ERRFI1: variants seen among roughly 807,000 people sequenced by gnomAD.
ERRFI1 encodes mitogen-inducible gene 6 protein.
In ERRFI1, 12 loss-of-function variants were observed where a neutral mutation model predicts 14.6. The observed-to-expected ratio is 0.82, with a 90% CI of 0.53 to 1.33. The LOEUF (loss-of-function observed/expected upper bound fraction) is 1.33. Ranked by LOEUF, ERRFI1 falls within the 40% of genes most tolerant of loss-of-function variation. The pLI is 0.00. For synonymous variants in ERRFI1, 202 were observed against 209.9 expected (o/e 0.96, Z 0.32); for missense variants, 482 against 572.1 (o/e 0.84, Z 1.61).
rs1387541292 is a variant in ERRFI1 at position 8,014,208 on chromosome 1, T to G, written c.391A>C (p.Thr131Pro). ...AGGGAAGGGGAGTTTTTTATGGGTGTCAGTGGAGGGGTGGAAGCACAAACC... is the reference window on the plus strand; with the variant it reads ...AGGGAAGGGGAGTTTTTTATGGGTGGCAGTGGAGGGGTGGAAGCACAAACC... ...NGVCASTPPL[T>P]PIKNSPSLFP... The change falls in exon 4 of 4, where the codon ACA (threonine) becomes CCA (proline). Residue 131 changes from threonine to proline, a missense_variant. Thr to Pro is a conservative substitution (Grantham distance 38). Coordinates refer to ENST00000377482, the MANE Select transcript of ERRFI1 (RefSeq NM_018948.4). 6.2e-7 allele frequency: 1 copy of G among 1,614,088 alleles called. No homozygotes were observed. Among genetic ancestry groups the G allele is most frequent in the East Asian group, 2.2e-5 (1 of 44,864 alleles).
At chr1:8,018,168 C>T (rs1295932067) in intron 1 of ERRFI1, among the ~76,000 whole-genome samples, 2 of 151,652 alleles carry the variant, frequency 1.3e-5, no homozygotes, top group South Asian at 2.1e-4. Flanking sequence ...GCATGGGAGA[C>T]GAGGGGGGCA....
At chr1:8,021,566 G>C (rs559365211) in intron 1 of ERRFI1, among the ~76,000 whole-genome samples, 1 of 152,124 alleles carries the variant, frequency 6.6e-6, no homozygotes, top group Non-Finnish European at 1.5e-5. Context: ...ATGATGGGAC[G>C]CAAGTCTTTA....
intron 1 of ERRFI1, among the ~76,000 whole-genome samples, chr1:8,015,942 A>C (rs1290959325): frequency 6.6e-6 from 1 of 152,210 alleles, no homozygotes; most frequent in African/African-American, 2.4e-5. Flanking sequence ...ATCTATTGCC[A>C]GCAAAAGCAG....
intron 1 of ERRFI1, among the ~76,000 whole-genome samples, chr1:8,015,977 T>G (rs959429680): frequency 6.6e-6 from 1 of 152,002 alleles, no homozygotes; most frequent in Non-Finnish European, 1.5e-5. Context: ...AGCCTGAGAG[T>G]TGCACAACAA....
intron 1 of ERRFI1, 114 bp from the exon 2 acceptor site, chr1:8,015,806 A>G (rs1641165471): frequency 1.5e-6 from 1 of 647,068 alleles, no homozygotes; most frequent in South Asian, 2.4e-5. Flanking sequence ...GAATAGAAAA[A>G]ATTAGTTGTA....
rs1292474207 is a variant in ERRFI1, at chr1:8,015,584, T to A, written c.36A>T (p.Arg12Ser). The A allele has an allele frequency of 1.2e-6, 2 of 1,614,052 alleles. No homozygotes were observed. Among genetic ancestry groups the A allele is most frequent in the Non-Finnish European group, 1.7e-6 (2 of 1,180,008 alleles). Reference sequence around the variant, plus strand: ...GTAGAAATCCAGTTTTTAATGGGACTCTGATCTCCTGAGCAGCAACTCCTG... The same window carrying A: ...GTAGAAATCCAGTTTTTAATGGGACACTGATCTCCTGAGCAGCAACTCCTG... ...SIAGVAAQEIRVPLKTGFLHN... is the reference protein window; with the variant it reads ...SIAGVAAQEISVPLKTGFLHN... The change falls in exon 2 of 4, where the codon AGA (arginine) becomes AGT (serine). Residue 12 changes from arginine to serine, a missense_variant. Physicochemically the swap from Arg to Ser is moderately radical, Grantham distance 110. Coordinates refer to ENST00000377482, the MANE Select transcript of ERRFI1 (RefSeq NM_018948.4).
At position 8,015,530 on chromosome 1, in the gene ERRFI1, C is replaced by T; in HGVS notation, c.90G>A (p.Arg30=). ...LHNGRAMGNM[R]KTYWSSRSEF... is the part of the protein sequence containing the mutation. ...CACTGCGACTGCTCCAGTAGGTCTT[C>T]CTCATATTCCCCATGGCTCGGCCAT... Residue 30 remains arginine, a synonymous_variant, in exon 2 of 4, where the codon AGG becomes AGA. Coordinates refer to ENST00000377482, the MANE Select transcript of ERRFI1 (RefSeq NM_018948.4). 1.2e-6 allele frequency: 2 copies of T among 1,614,158 alleles called. No homozygotes were observed. Among genetic ancestry groups the T allele is most frequent in the South Asian group, 1.1e-5 (1 of 91,080 alleles).
chr1:8,017,265 G>T (rs889685325), intron 1 of ERRFI1, among the ~76,000 whole-genome samples: 22 of 152,128 alleles, frequency 1.4e-4, no homozygotes, highest in African/African-American at 5.3e-4. Flanking sequence ...TAACAAAGTA[G>T]AGAAGGGAGA....
At chr1:8,019,415 T>G (rs913571673) in intron 1 of ERRFI1, among the ~76,000 whole-genome samples, 3 of 152,182 alleles carry the variant, frequency 2.0e-5, no homozygotes, top group African/African-American at 7.2e-5. Context: ...CTCCCTTTCA[T>G]GAAACACTGG....
Position 8,013,202 on chromosome 1 carries a change from C to G in ERRFI1, c.*8G>C. The G allele has an allele frequency of 1.9e-6, 3 of 1,591,434 alleles. No individual in the cohort carries two copies. Among genetic ancestry groups the G allele is most frequent in the Non-Finnish European group, 2.6e-6 (3 of 1,169,304 alleles). On this transcript the variant is annotated 3_prime_UTR_variant, in exon 4 of 4. Transcript: ENST00000377482. This position sits in a 1 kb window ranked among gnomAD's most constrained non-coding sequence, Gnocchi z 4.3. Reference sequence around the variant, plus strand: ...TATGTAACCTCTGCTGAACCATGACCCCAAGGTCTAAGGAGAAACCACATA... The same window carrying G: ...TATGTAACCTCTGCTGAACCATGACGCCAAGGTCTAAGGAGAAACCACATA...
chr1:8,019,330 T>C (rs1437294147), intron 1 of ERRFI1, among the ~76,000 whole-genome samples: 1 of 152,210 alleles, frequency 6.6e-6, no homozygotes, highest in East Asian at 1.9e-4. Flanking sequence ...AGCGCGCTTC[T>C]ATTTTCCCCA....
rs752561409 is a variant in ERRFI1, at chr1:8,013,411, T to G, written c.1188A>C (p.Leu396=). 2.0e-5 allele frequency: 33 copies of G among 1,614,104 alleles called. No individual in the cohort carries two copies. Among genetic ancestry groups the G allele is most frequent in the Non-Finnish European group, 2.7e-5 (32 of 1,180,056 alleles). Residue 396 remains leucine, a synonymous_variant, in exon 4 of 4, where the codon CTA becomes CTC. Transcript: ENST00000377482. This position sits in a 1 kb window ranked among gnomAD's most constrained non-coding sequence, Gnocchi z 4.3. Reference sequence around the variant, plus strand: ...CCAGGTATGGTGGTCGTTCAGGTAGTAGGTAATAATGTGTTGAACTAACCT... The same window carrying G: ...CCAGGTATGGTGGTCGTTCAGGTAGGAGGTAATAATGTGTTGAACTAACCT... The part of the protein sequence containing the change: ...GKKVSSTHYY[L]LPERPPYLDK...
At position 8,021,230 on chromosome 1, in the gene ERRFI1, C is replaced by T. The variant is rs548404726; in HGVS notation, c.-74+4928G>A. On this transcript the variant is annotated intron_variant, in intron 1 of 3. Coordinates refer to ENST00000377482, the MANE Select transcript of ERRFI1 (RefSeq NM_018948.4). ...AAACTGTCAAATAAAAAATAAATGA[C>T]GTAATTTATTCAATAATTCAGAATG... Among the ~76,000 whole-genome samples, 447 of 152,196 alleles carry T rather than the reference C, an allele frequency of 2.9e-3. 2 individuals carry two copies. The highest frequency in any genetic ancestry group is 5.4e-3 in the Non-Finnish European group (369 of 68,020).
At chr1:8,019,789 C>G (rs988367310) in intron 1 of ERRFI1, among the ~76,000 whole-genome samples, 8 of 152,134 alleles carry the variant, frequency 5.3e-5, no homozygotes, top group African/African-American at 1.9e-4. Context: ...TCAAAGAAGA[C>G]AGTTTGTAGA....
intron 1 of ERRFI1, among the ~76,000 whole-genome samples, chr1:8,016,940 A>G (rs1641183997): frequency 6.6e-6 from 1 of 151,422 alleles, no homozygotes; most frequent in Non-Finnish European, 1.5e-5. Flanking sequence ...GCAACTTCAA[A>G]TCTATTATTT....
At position 8,020,052 on chromosome 1, in the gene ERRFI1, G is replaced by A. The variant is rs149712391; in HGVS notation, c.-73-4360C>T. On this transcript the variant is annotated intron_variant, in intron 1 of 3. Transcript: ENST00000377482. The stretch of plus-strand genomic sequence containing the variant: ...GTGAAATCATATGCCTTTAGCTTGA[G>A]GACAGTCTCTTTGAAACTGCTTAAA... 3.4e-3 allele frequency among the ~76,000 whole-genome samples: 508 copies of A among 150,902 alleles called. 2 individuals carry two copies. Among genetic ancestry groups the A allele is most frequent in the African/African-American group, 0.011 (469 of 41,054 alleles).
chr1:8,014,931 G>A, intron 3 of ERRFI1: 1 of 213,488 alleles, frequency 4.7e-6, no homozygotes, highest in South Asian at 1.1e-4. Flanking sequence ...TAAGTTTTGA[G>A]GAACATTTAT....
Position 8,015,329 on chromosome 1 carries a change from G to A in ERRFI1, c.181C>T (p.Gln61Ter). 6.2e-7 allele frequency: 1 copy of A among 1,614,140 alleles called. No homozygotes were observed. ...ATACCAAGTGGTATTAGGCGCTCCT[G>A]AGCAGAAGAGTTCAGACTGTAGGCC... ...TMAYSLNSSA[Q>*]ERLIPLGHAS... is the part of the protein sequence containing the mutation. Residue 61 changes from glutamine (Q) to a stop codon, truncating the protein, a stop_gained, in exon 3 of 4, where the codon CAG (glutamine) becomes TAG (stop). Transcript: ENST00000377482. LOFTEE classifies it low-confidence loss of function (END_TRUNC).
At chr1:8,015,744 C>G in intron 1 of ERRFI1, 52 bp from the exon 2 acceptor site, 1 of 1,192,020 alleles carries the variant, frequency 8.4e-7, no homozygotes, top group Non-Finnish European at 1.2e-6. Context: ...GAAATACCTC[C>G]ATTAGGACAG....
Sources: gnomAD v4.1 joint callset for allele counts (sites outside exome capture counted in the v4.1 genomes callset) on GRCh38, gnomAD v4.1.1 for gene constraint, Gnocchi (gnomAD v3.1) non-coding constraint, MANE v1.5 for transcripts, NCBI Gene and HGNC (gene_info 2026-07-23, HGNC 2026-07-21) for gene names.